Variants in SKI observed in about 807,000 individuals in gnomAD.
SKI encodes the protein ski oncogene.
Under a neutral mutation model 59.3 loss-of-function variants are expected in SKI, and 23 were observed. The observed-to-expected ratio is 0.39, with a 90% CI of 0.28 to 0.55. The LOEUF is 0.55. Among genes scored for constraint, SKI ranks in the 20% least tolerant of loss-of-function variants. The pLI, the probability that SKI is intolerant of heterozygous loss-of-function variation, is 0.67. For synonymous variants in SKI, 673 were observed against 488.6 expected (o/e 1.38, Z -4.98); for missense variants, 1,017 against 1,038.9 (o/e 0.98, Z 0.29).
chr1:2,267,858 G>A lies in SKI; in HGVS notation c.970-35120G>A, dbSNP rs934708454. On this transcript the variant is annotated intron_variant, in intron 1 of 6. Coordinates refer to ENST00000378536, the MANE Select transcript of SKI (RefSeq NM_003036.4). The surrounding 1 kb of genome is among the most constrained non-coding windows in gnomAD (Gnocchi z 4.1). The stretch of plus-strand genomic sequence containing the variant: ...CATGCCCTGCGAGATGTGTTTGAAA[G>A]TCACACTTTGGTTCCAGGTCACAGC... Among the ~76,000 whole-genome samples, 5 of 152,214 alleles carry A rather than the reference G, an allele frequency of 3.3e-5. No individual in the cohort carries two copies. The highest frequency in any genetic ancestry group is 2.9e-5 in the Non-Finnish European group (2 of 68,038).
chr1:2,251,703 A>G (rs993755202), intron 1 of SKI, among the ~76,000 whole-genome samples: 1 of 152,202 alleles, frequency 6.6e-6, no homozygotes, highest in African/African-American at 2.4e-5. Context: ...AACCCAATGT[A>G]TGTGATAGGT....
intron 1 of SKI, among the ~76,000 whole-genome samples, chr1:2,295,760 CACAGT>C (rs893235574): frequency 1.3e-5 from 2 of 152,200 alleles, no homozygotes; most frequent in Non-Finnish European, 2.9e-5. Context: ...CCGGCCTCAG[CACAGT>C]ATTTTCAAGG....
At chr1:2,290,193 C>T (rs1052939682) in intron 1 of SKI, among the ~76,000 whole-genome samples, 8 of 152,002 alleles carry the variant, frequency 5.3e-5, no homozygotes, top group Non-Finnish European at 1.0e-4. Flanking sequence ...GGGCTGCCCC[C>T]GGCAGAGCCT....
At position 2,292,806 on chromosome 1, in the gene SKI, C is replaced by T. The variant is rs188724257; in HGVS notation, c.970-10172C>T. Among the ~76,000 whole-genome samples the T allele has an allele frequency of 7.0e-3, 1,070 of 152,282 alleles. 15 individuals carry two copies. The highest frequency in any genetic ancestry group is 0.024 in the African/African-American group (1,010 of 41,558). On this transcript the variant is annotated intron_variant, in intron 1 of 6. Transcript: ENST00000378536. ...GGTGGGGGTGGTCTTCTGACGCCGGCGGGGCTCCTGAAGGTGCAGGAAGGC... is the reference window on the plus strand; with the variant it reads ...GGTGGGGGTGGTCTTCTGACGCCGGTGGGGCTCCTGAAGGTGCAGGAAGGC...
chr1:2,238,466 A>G (rs1638798029), intron 1 of SKI, among the ~76,000 whole-genome samples: 1 of 152,200 alleles, frequency 6.6e-6, no homozygotes, highest in South Asian at 2.1e-4. Context: ...CTCTGCCTCC[A>G]TGGCCCTGAC....
intron 1 of SKI, among the ~76,000 whole-genome samples, chr1:2,262,272 G>T (rs1375047386): frequency 6.8e-6 from 1 of 146,398 alleles, no homozygotes. Context: ...GGTCTGGAAG[G>T]CGTGGAATCA....
intron 1 of SKI, among the ~76,000 whole-genome samples, chr1:2,274,621 T>G (rs1557833573): frequency 2.0e-5 from 3 of 152,354 alleles, no homozygotes; most frequent in East Asian, 3.9e-4. Flanking sequence ...CTAACATGTT[T>G]CTGGAAGTGG....
rs920642252 is a variant in SKI, at chr1:2,303,063, C to T, written c.1055C>T (p.Pro352Leu). ...CCCGCGCCTTCCGAAAAGGACAAGCCGTCCAGCTGGCTGCGGACCTTGGCC... is the reference window on the plus strand; with the variant it reads ...CCCGCGCCTTCCGAAAAGGACAAGCTGTCCAGCTGGCTGCGGACCTTGGCC... ...QSPAPSEKDK[P>L]SSWLRTLAGS... Residue 352 changes from proline (P) to leucine (L), a missense_variant, in exon 2 of 7, where the codon CCG becomes CTG. Coordinates refer to ENST00000378536, the MANE Select transcript of SKI (RefSeq NM_003036.4). This position sits in a 1 kb window ranked among gnomAD's most constrained non-coding sequence, Gnocchi z 5.6. The T allele has an allele frequency of 7.4e-6, 12 of 1,613,596 alleles. No homozygotes were observed. Among genetic ancestry groups the T allele is most frequent in the Admixed American group, 1.7e-5 (1 of 60,028 alleles).
intron 1 of SKI, among the ~76,000 whole-genome samples, chr1:2,245,876 A>C (rs1416784559): frequency 7.5e-6 from 1 of 133,078 alleles, no homozygotes; most frequent in Non-Finnish European, 1.5e-5. Flanking sequence ...GGCTCACTGC[A>C]ACCTCCGCCT....
chr1:2,276,658 C>T lies in SKI; in HGVS notation c.970-26320C>T, dbSNP rs191039584. On this transcript the variant is annotated intron_variant, in intron 1 of 6. Coordinates refer to ENST00000378536, the MANE Select transcript of SKI (RefSeq NM_003036.4). Reference sequence around the variant, plus strand: ...GCTCACTGTGTGGGGCTGGGGACAGCGCTAGGCCTGCTTTAGGCCGTGCAC... The same window carrying T: ...GCTCACTGTGTGGGGCTGGGGACAGTGCTAGGCCTGCTTTAGGCCGTGCAC... 7.2e-5 allele frequency among the ~76,000 whole-genome samples: 11 copies of T among 152,348 alleles called. No individual in the cohort carries two copies. In the East Asian group the frequency reaches 1.4e-3, roughly 19 times the overall value.
rs973598276 is a variant in SKI at position 2,228,787 on chromosome 1, C to T, written c.21C>T (p.Gly7=). The T allele has an allele frequency of 3.1e-6, 4 of 1,309,920 alleles. No homozygotes were observed. In the African/African-American group the frequency reaches 4.7e-5, roughly 15 times the overall value. The allele number at this position is 1,309,920 out of a possible 1,614,324, so 81.1% of individuals were successfully genotyped here. Reference sequence around the variant, plus strand: ...GCACCATGGAGGCGGCGGCAGGCGGCCGCGGCTGTTTCCAGCCGCACCCGG... The same window carrying T: ...GCACCATGGAGGCGGCGGCAGGCGGTCGCGGCTGTTTCCAGCCGCACCCGG... The part of the protein sequence containing the change: MEAAAG[G]RGCFQPHPGL... Residue 7 remains glycine, a synonymous_variant, in exon 1 of 7, where the codon GGC becomes GGT. Transcript: ENST00000378536.
intron 1 of SKI, among the ~76,000 whole-genome samples, chr1:2,230,194 G>A (rs574701392): frequency 5.3e-4 from 80 of 152,356 alleles, no homozygotes; most frequent in Non-Finnish European, 9.4e-4. Flanking sequence ...CCTCGAAGAC[G>A]GAGGGCTGCC....
At chr1:2,260,742 T>C (rs2100838063) in intron 1 of SKI, among the ~76,000 whole-genome samples, 1 of 152,210 alleles carries the variant, frequency 6.6e-6, no homozygotes, top group South Asian at 2.1e-4. Context: ...GGTTTCGCTA[T>C]GTTGCCCAGG....
In SKI at chr1:2,306,093, A is replaced by G; in HGVS notation, c.1841A>G (p.Lys614Arg). Residue 614 changes from lysine to arginine, a missense_variant, in exon 6 of 7, where the codon AAG becomes AGG. Physicochemically the swap from Lys to Arg is conservative, Grantham distance 26. Transcript: ENST00000378536. ...ACGGAGGCCAAGCGTAACCTGCGGA[A>G]GGAGATCGAGCGTCTCCGCGCCGAG... Reference protein sequence around the residue: ...EATEAKRNLRKEIERLRAENE... With the variant: ...EATEAKRNLRREIERLRAENE... The G allele has an allele frequency of 6.2e-7, 1 of 1,602,010 alleles. No individual in the cohort carries two copies. The highest frequency in any genetic ancestry group is 1.1e-5 in the South Asian group (1 of 88,860).
intron 1 of SKI, among the ~76,000 whole-genome samples, chr1:2,297,157 A>G (rs1300870925): frequency 1.3e-5 from 2 of 151,848 alleles, no homozygotes; most frequent in Non-Finnish European, 2.9e-5. Context: ...CTCAGGCTGG[A>G]GTGTAGTGGT....
rs1292786523 is a variant in SKI at position 2,309,437 on chromosome 1, TA to T, written c.*2677del. On this transcript the variant is annotated 3_prime_UTR_variant, in exon 7 of 7. Coordinates refer to ENST00000378536, the MANE Select transcript of SKI (RefSeq NM_003036.4). ...GCTTTTCGTACAGAACTAGCCAATG[TA>T]AAAACAGTTCACCTGTAAATACTTT... 2.0e-5 allele frequency: 3 copies of T among 152,198 alleles called. No individual in the cohort carries two copies. Among genetic ancestry groups the T allele is most frequent in the Admixed American group, 1.3e-4 (2 of 15,278 alleles). 9.4% of individuals were successfully genotyped at this position (152,198 alleles called of 1,614,324 possible). A position where few individuals can be genotyped will look rare whatever the true frequency, so the allele number is the denominator to read the frequency against.
At position 2,261,251 on chromosome 1, in the gene SKI, T is replaced by TA. The variant is rs527461297; in HGVS notation, c.969+31517dup. Among the ~76,000 whole-genome samples, 658 of 152,352 alleles carry TA rather than the reference T, an allele frequency of 4.3e-3. 3 individuals carry two copies. The highest frequency in any genetic ancestry group is 0.015 in the African/African-American group (639 of 41,568). ...TAACCCTGCACTTTTTCAGAGCTGT[T>TA]ACAGCTATTCGGGATCTTCCACTTT... On this transcript the variant is annotated intron_variant, in intron 1 of 6. Coordinates refer to ENST00000378536, the MANE Select transcript of SKI (RefSeq NM_003036.4).
chr1:2,299,792 C>T (rs1244553196), intron 1 of SKI, among the ~76,000 whole-genome samples: 5 of 152,230 alleles, frequency 3.3e-5, no homozygotes, highest in Non-Finnish European at 4.4e-5. Context: ...AAGGCCTTCT[C>T]AATGGCTCTT....
At chr1:2,275,217 GA>G (rs1639714645) in intron 1 of SKI, among the ~76,000 whole-genome samples, 1 of 152,234 alleles carries the variant, frequency 6.6e-6, no homozygotes, top group Non-Finnish European at 1.5e-5. Context: ...GTCTTGGAAG[GA>G]ACATCGGGCC....
Sources: gnomAD v4.1 joint callset for allele counts (sites outside exome capture counted in the v4.1 genomes callset) on GRCh38, gnomAD v4.1.1 for gene constraint, Gnocchi (gnomAD v3.1) non-coding constraint, MANE v1.5 for transcripts, NCBI Gene and HGNC (gene_info 2026-07-23, HGNC 2026-07-21) for gene names.